RINL: variants seen among roughly 807,000 people sequenced by gnomAD.
RINL encodes ras and Rab interactor-like protein.
Under a neutral mutation model 58.1 loss-of-function variants are expected in RINL, and 39 were observed. The observed-to-expected ratio is 0.67, with a 90% CI of 0.52 to 0.88. RINL has a LOEUF of 0.88. Among genes scored for constraint, RINL ranks in the 40% least tolerant of loss-of-function variants. RINL has a pLI of 0.00. For synonymous variants in RINL, 286 were observed against 323.1 expected (o/e 0.89, Z 1.23); for missense variants, 711 against 749.2 (o/e 0.95, Z 0.60).
intron 4 of RINL, chr19:38,873,663 T>C: frequency 2.5e-6 from 1 of 404,412 alleles, no homozygotes; most frequent in East Asian, 4.6e-5. Flanking sequence ...GTAGCTGGGA[T>C]TACAGTCGCG....
chr19:38,876,399 C>A lies in RINL; in HGVS notation c.142G>T (p.Gly48Trp), dbSNP rs1038777124. 3.9e-6 allele frequency: 6 copies of A among 1,536,014 alleles called. No homozygotes were observed. Among genetic ancestry groups the A allele is most frequent in the African/African-American group, 2.7e-5 (2 of 73,058 alleles). The change falls in exon 3 of 12, where the codon GGG becomes TGG. Residue 48 changes from glycine (G) to tryptophan (W), a missense_variant. By Grantham distance (184) the Gly-to-Trp change is radical. Coordinates refer to ENST00000591812, the MANE Select transcript of RINL (RefSeq NM_001195833.2). ...TCCAGCTCTGGCACATGCCACACCC[C>A]CCATGTCCTCTGCAGGCGAGTAAGT... is the stretch of plus-strand genomic sequence containing the variant. ...EPLTRLQRTWGVWHVPELDTQ... is the reference protein window; with the variant it reads ...EPLTRLQRTWWVWHVPELDTQ...
chr19:38,877,706 G>C (rs188135138), intron 1 of RINL, among the ~76,000 whole-genome samples: 1 of 152,126 alleles, frequency 6.6e-6, no homozygotes, highest in African/African-American at 2.4e-5. Context: ...AGAGTCCTAC[G>C]TAGGTTATCA....
rs1380377704 is a variant in RINL at position 38,870,149 on chromosome 19, CGCCGCCGCA to C, written c.1127_1135del (p.Leu376_Arg378del). ...CGCCCCCGCCCGCAGGGCTGTCTGT[CGCCGCCGCA>C]GCCGCCGCAGCTCCGGTGCTCGGAG... On this transcript the variant is annotated inframe_deletion, in exon 9 of 12. Transcript: ENST00000591812. The surrounding 1 kb of genome is among the most constrained non-coding windows in gnomAD (Gnocchi z 5.8). 2.1e-6 allele frequency: 3 copies of C among 1,409,700 alleles called. No individual in the cohort carries two copies. The highest frequency in any genetic ancestry group is 3.1e-5 in the South Asian group (2 of 65,228). 87.3% of individuals were successfully genotyped at this position (1,409,700 alleles called of 1,614,324 possible).
At chr19:38,876,924 T>A in intron 1 of RINL, 143 bp from the exon 2 acceptor site, 1 of 600,728 alleles carries the variant, frequency 1.7e-6, no homozygotes, top group Non-Finnish European at 3.0e-6. Context: ...ATTCTTTATT[T>A]TATTTTTGAG....
chr19:38,871,918 G>A (rs1367358617), intron 4 of RINL, 48 bp from the exon 5 acceptor site: 1 of 1,441,092 alleles, frequency 6.9e-7, no homozygotes. Context: ...AGTGGTGGCA[G>A]TTTTCTGTCC....
Position 38,871,868 on chromosome 19 carries a change from CA to C in RINL, c.315del (p.Val106CysfsTer38). 6.2e-7 allele frequency: 1 copy of C among 1,613,472 alleles called. No individual in the cohort carries two copies. ...CAGAGGTTGGAGGATTCCAGGGACA[CA>C]CCTGTGGTGGGGGGAGGAAGAAGGA... ...NTYQIQKIPR[G>X]VSLESSNLCM... On this transcript the variant is annotated frameshift_variant and splice_region_variant, in exon 5 of 12. Coordinates refer to ENST00000591812, the MANE Select transcript of RINL (RefSeq NM_001195833.2). LOFTEE classifies it high-confidence loss of function.
In RINL at chr19:38,869,442, T is replaced by C. The variant is rs1972747980; in HGVS notation, c.1475-32A>G. The C allele has an allele frequency of 5.1e-6, 8 of 1,577,030 alleles. No homozygotes were observed. Among genetic ancestry groups the C allele is most frequent in the Non-Finnish European group, 6.0e-6 (7 of 1,158,992 alleles). On this transcript the variant is annotated intron_variant, in intron 10 of 11. Coordinates refer to ENST00000591812, the MANE Select transcript of RINL (RefSeq NM_001195833.2). This position sits in a 1 kb window ranked among gnomAD's most constrained non-coding sequence, Gnocchi z 5.7. The stretch of plus-strand genomic sequence containing the variant: ...ACAGAAAGGGAAGTCAGCTCCGCCC[T>C]CTCGGCTTCCCTGGTCGCCCCAAAT...
At chr19:38,876,059 ATTTTTTT>A (rs5828019) in intron 3 of RINL, among the ~76,000 whole-genome samples, 1 of 138,584 alleles carries the variant, frequency 7.2e-6, no homozygotes, top group African/African-American at 2.7e-5. Flanking sequence ...TTGAAATTAC[ATTTTTTT>A]TTTTTTTTTT....
In RINL at chr19:38,869,503, G is replaced by T. The variant is rs1433701510; in HGVS notation, c.1474+70C>A. 6.3e-7 allele frequency: 1 copy of T among 1,596,094 alleles called. No individual in the cohort carries two copies. The highest frequency in any genetic ancestry group is 1.1e-5 in the South Asian group (1 of 89,778). ...TTTGCCTGCCGTCCCTCCTGCTGCG[G>T]GGGGAGGCTGTTTGGGATCCCGGAG... On this transcript the variant is annotated intron_variant, in intron 10 of 11. Transcript: ENST00000591812. This position sits in a 1 kb window ranked among gnomAD's most constrained non-coding sequence, Gnocchi z 5.7.
At position 38,872,359 on chromosome 19, in the gene RINL, G is replaced by A. The variant is rs145694978; in HGVS notation, c.314-489C>T. ...AAATTAGCTGGGCATGGTGGTGGGC[G>A]CCTGTAATCCCAGATACTTGGGAGC... On this transcript the variant is annotated intron_variant, in intron 4 of 11. Transcript: ENST00000591812. 2.5e-3 allele frequency among the ~76,000 whole-genome samples: 378 copies of A among 151,978 alleles called. 2 individuals are homozygous for A. Among genetic ancestry groups the A allele is most frequent in the African/African-American group, 8.6e-3 (355 of 41,440 alleles).
intron 1 of RINL, 33 bp from the exon 2 acceptor site, chr19:38,876,814 T>C: frequency 8.1e-7 from 1 of 1,229,396 alleles, no homozygotes. Flanking sequence ...TCAAAGCTGC[T>C]CTAGCCCTCG....
Position 38,869,026 on chromosome 19 carries a change from C to T in RINL, c.*78G>A, listed in dbSNP as rs1206810421. On this transcript the variant is annotated 3_prime_UTR_variant, in exon 12 of 12. Transcript: ENST00000591812. This position sits in a 1 kb window ranked among gnomAD's most constrained non-coding sequence, Gnocchi z 5.7. ...GTTTTGCCCAGGCTGGTCTCAAACTCCTGGGCTCAAGCAATCCTCCCACCT... is the reference window on the plus strand; with the variant it reads ...GTTTTGCCCAGGCTGGTCTCAAACTTCTGGGCTCAAGCAATCCTCCCACCT... 1.1e-4 allele frequency: 146 copies of T among 1,344,856 alleles called. No individual in the cohort carries two copies. The highest frequency in any genetic ancestry group is 1.4e-4 in the Non-Finnish European group (141 of 986,620). The allele number at this position is 1,344,856 out of a possible 1,614,324, so 83.3% of individuals were successfully genotyped here.
In RINL at chr19:38,869,760, C is replaced by T. The variant is rs567308191; in HGVS notation, c.1343-56G>A. The T allele has an allele frequency of 2.3e-5, 37 of 1,605,950 alleles. No homozygotes were observed. In the East Asian group the frequency reaches 4.7e-4, roughly 20 times the overall value. On this transcript the variant is annotated intron_variant, in intron 9 of 11. Coordinates refer to ENST00000591812, the MANE Select transcript of RINL (RefSeq NM_001195833.2). The surrounding 1 kb of genome is among the most constrained non-coding windows in gnomAD (Gnocchi z 5.7). ...GGATCCCCATCTCAAGGCGCGTAGA[C>T]ACCTTCCATCCGATCCCCAGGACCA...
intron 3 of RINL, among the ~76,000 whole-genome samples, chr19:38,874,973 A>G (rs956094842): frequency 6.6e-6 from 1 of 151,794 alleles, no homozygotes; most frequent in African/African-American, 2.4e-5. Context: ...AGTCTCTACT[A>G]AAAATACAAA....
chr19:38,871,103 T>G lies in RINL; in HGVS notation c.576A>C (p.Pro192=), dbSNP rs1446278720. 1 of 1,608,978 alleles carries G rather than the reference T, an allele frequency of 6.2e-7. No homozygotes were observed. The highest frequency in any genetic ancestry group is 8.5e-7 in the Non-Finnish European group (1 of 1,177,604). Residue 192 remains proline (P), a synonymous_variant, in exon 7 of 12, where the codon CCA becomes CCC. Coordinates refer to ENST00000591812, the MANE Select transcript of RINL (RefSeq NM_001195833.2). ...GREQTPQETE[P]EAAQRHDPAP... ...CTGGATCATGTCTCTGAGCAGCCTCTGGCTCTGTTTCTTGAGGGGTCTGCT... is the reference window on the plus strand; with the variant it reads ...CTGGATCATGTCTCTGAGCAGCCTCGGGCTCTGTTTCTTGAGGGGTCTGCT...
rs185644885 is a variant in RINL, at chr19:38,873,381, A to G, written c.313+505T>C. On this transcript the variant is annotated intron_variant, in intron 4 of 11. Coordinates refer to ENST00000591812, the MANE Select transcript of RINL (RefSeq NM_001195833.2). ...TACATTTTGTATCTAAGGACGTTGC[A>G]TGCTCTTTGCAGGATTTGGGGCAGG... Among the ~76,000 whole-genome samples, 11 of 152,326 alleles carry G rather than the reference A, an allele frequency of 7.2e-5. No homozygotes were observed. The East Asian group carries it at 1.7e-3, about 24-fold the overall frequency.
chr19:38,870,468 A>G lies in RINL; in HGVS notation c.1024+102T>C. On this transcript the variant is annotated intron_variant, in intron 8 of 11. Coordinates refer to ENST00000591812, the MANE Select transcript of RINL (RefSeq NM_001195833.2). The surrounding 1 kb of genome is among the most constrained non-coding windows in gnomAD (Gnocchi z 5.8). ...GGGCGATAGAACGCGTGGGATGTGT[A>G]GGAAGGGCGTGTGGGTGCAGAAGGA... The G allele has an allele frequency of 7.4e-7, 1 of 1,342,842 alleles. No individual in the cohort carries two copies. Among genetic ancestry groups the G allele is most frequent in the South Asian group, 1.5e-5 (1 of 65,878 alleles). 83.2% of individuals were successfully genotyped at this position (1,342,842 alleles called of 1,614,324 possible). A position where few individuals can be genotyped will look rare whatever the true frequency, so the allele number is the denominator to read the frequency against.
chr19:38,871,193 G>A lies in RINL; in HGVS notation c.486C>T (p.Thr162=), dbSNP rs750767232. The A allele has an allele frequency of 1.2e-6, 2 of 1,613,978 alleles. No homozygotes were observed. Among genetic ancestry groups the A allele is most frequent in the Admixed American group, 3.3e-5 (2 of 60,002 alleles). ...PVQIGRVQQD[T]PGKVLSIVNQ... Reference sequence around the variant, plus strand: ...TCACAATGGAAAGCACCTTCCCTGGGGTGTCCTGTTGGACCCTGCCGATCT... The same window carrying A: ...TCACAATGGAAAGCACCTTCCCTGGAGTGTCCTGTTGGACCCTGCCGATCT... Residue 162 remains threonine, a synonymous_variant, in exon 7 of 12, where the codon ACC becomes ACT. Coordinates refer to ENST00000591812, the MANE Select transcript of RINL (RefSeq NM_001195833.2).
At chr19:38,876,990 T>C (rs1286937785) in intron 1 of RINL, among the ~76,000 whole-genome samples, 1 of 152,216 alleles carries the variant, frequency 6.6e-6, no homozygotes. Context: ...CTCAGCTCAC[T>C]GCAACCTCCG....
Sources: allele counts gnomAD v4.1 joint callset (sites outside exome capture counted in the v4.1 genomes callset), GRCh38; gene constraint gnomAD v4.1.1; non-coding constraint Gnocchi (gnomAD v3.1); transcripts MANE v1.5; gene names NCBI Gene and HGNC (gene_info 2026-07-23, HGNC 2026-07-21).